Variants in ZNF107 observed in about 807,000 individuals in gnomAD.
ZNF107 encodes the protein zinc finger protein 107, also known as C2H2 type zinc-finger protein.
A neutral mutation model predicts 12.3 loss-of-function variants in ZNF107; 19 were observed. That is an observed-to-expected ratio of 1.55 (90% CI 1.08 to 2.27). The LOEUF is 2.27. ZNF107 is among the 30% of genes most tolerant of loss of function. The probability of loss-of-function intolerance (pLI) is 0.00; values close to 1 mark genes in which losing one functional copy is unlikely to be tolerated. For missense variants in ZNF107, 958 were observed against 979.9 expected (o/e 0.98, Z 0.30); for synonymous variants, 317 against 330.5 (o/e 0.96, Z 0.44).
chr7:64,681,620 C>A (rs1159676011), intron 1 of ZNF107, among the ~76,000 whole-genome samples: 1 of 152,022 alleles, frequency 6.6e-6, no homozygotes, highest in Admixed American at 6.6e-5. Flanking sequence ...CCTTATCATC[C>A]CTTTAAGGCC....
chr7:64,680,447 C>A (rs1401400119), intron 1 of ZNF107, among the ~76,000 whole-genome samples: 1 of 152,154 alleles, frequency 6.6e-6, no homozygotes, highest in Non-Finnish European at 1.5e-5. Flanking sequence ...GCCAGGTCTC[C>A]AGGGAGGTCC....
At chr7:64,681,393 T>G (rs539173399) in intron 1 of ZNF107, among the ~76,000 whole-genome samples, 5 of 151,798 alleles carry the variant, frequency 3.3e-5, no homozygotes, top group Non-Finnish European at 7.4e-5. Flanking sequence ...CTTTTTGCAC[T>G]CCTTTTAGTC....
rs1790828627 is a variant in ZNF107 at position 64,709,913 on chromosome 7, G to A, written c.*1257G>A. The A allele has an allele frequency of 3.0e-6, 1 of 329,072 alleles. No homozygotes were observed. Among genetic ancestry groups the A allele is most frequent in the African/African-American group, 2.3e-5 (1 of 43,830 alleles). The allele number at this position is 329,072 out of a possible 1,614,324, so 20.4% of individuals were successfully genotyped here. ...GCCAAGGTGGGTGGATCACCTGAGG[G>A]CAGGAGTCTGAGACCAGCCTGGCCA... On this transcript the variant is annotated 3_prime_UTR_variant, in exon 4 of 4. Coordinates refer to ENST00000620827, the MANE Select transcript of ZNF107 (RefSeq NM_001282359.2).
chr7:64,666,427 G>T, intron 1 of ZNF107, 142 bp downstream of exon 1: 1 of 1,181,898 alleles, frequency 8.5e-7, no homozygotes, highest in Non-Finnish European at 1.2e-6. Flanking sequence ...GTCCCCCGCG[G>T]CCCCGAGTTC....
intron 1 of ZNF107, among the ~76,000 whole-genome samples, chr7:64,680,370 C>T (rs1789608983): frequency 6.6e-6 from 1 of 152,194 alleles, no homozygotes; most frequent in South Asian, 2.1e-4. Context: ...TCTACACTCA[C>T]TCCTGAAGAA....
intron 1 of ZNF107, among the ~76,000 whole-genome samples, chr7:64,679,555 C>T (rs573923769): frequency 6.1e-4 from 93 of 152,212 alleles, no homozygotes; most frequent in African/African-American, 2.1e-3. Flanking sequence ...TTGCTCTCCT[C>T]CTCGTTTCTC....
At chr7:64,703,398 A>G (rs950393247) in intron 3 of ZNF107, among the ~76,000 whole-genome samples, 2 of 152,104 alleles carry the variant, frequency 1.3e-5, no homozygotes, top group African/African-American at 2.4e-5. Flanking sequence ...AAATTCTCCT[A>G]ATTTCAACAT....
At position 64,708,570 on chromosome 7, in the gene ZNF107, G is replaced by T; in HGVS notation, c.2473G>T (p.Ala825Ser). ...KPYKCGDYGR[A>S]FNLSSNLTTH... ...CTACAAATGTGGAGATTATGGCAGA[G>T]CTTTCAACCTATCCTCAAATCTTAC... Residue 825 changes from alanine to serine, a missense_variant, in exon 4 of 4, where the codon GCT becomes TCT. By Grantham distance (99) the Ala-to-Ser change is moderately conservative. Coordinates refer to ENST00000620827, the MANE Select transcript of ZNF107 (RefSeq NM_001282359.2). 1.2e-6 allele frequency: 2 copies of T among 1,612,390 alleles called. No homozygotes were observed. Among genetic ancestry groups the T allele is most frequent in the Non-Finnish European group, 1.7e-6 (2 of 1,179,230 alleles).
chr7:64,685,429 G>A (rs958560178), intron 1 of ZNF107, among the ~76,000 whole-genome samples: 4 of 152,114 alleles, frequency 2.6e-5, no homozygotes, highest in African/African-American at 7.2e-5. Context: ...CAAACAATCC[G>A]GGTTTTGTAA....
chr7:64,703,235 A>G (rs1341339656), intron 3 of ZNF107, among the ~76,000 whole-genome samples: 1 of 152,190 alleles, frequency 6.6e-6, no homozygotes, highest in African/African-American at 2.4e-5. Flanking sequence ...TGTGGAGCAA[A>G]ATCAACTATG....
Position 64,708,196 on chromosome 7 carries a change from C to T in ZNF107, c.2099C>T (p.Thr700Met), listed in dbSNP as rs375826935. 1.2e-5 allele frequency: 20 copies of T among 1,612,442 alleles called. No individual in the cohort carries two copies. Among genetic ancestry groups the T allele is most frequent in the African/African-American group, 8.0e-5 (6 of 74,880 alleles). ...SNLTIHKRIH[T>M]GEKPYQCAEC... ...CTAACTATACATAAGAGAATTCATA[C>T]GGGAGAGAAACCTTACCAATGTGCA... is the stretch of plus-strand genomic sequence containing the variant. The change falls in exon 4 of 4, where the codon ACG (threonine) becomes ATG (methionine). Residue 700 changes from threonine to methionine, a missense_variant. Physicochemically the swap from Thr to Met is moderately conservative, Grantham distance 81 (BLOSUM62 -1). Transcript: ENST00000620827.
rs187892608 is a variant in ZNF107, at chr7:64,710,219, C to A, written c.*1563C>A. ...AGTACCTTTACTTGTATCACAGATACTTTTGTACCCATTTTGCACTAGAGG... is the reference window on the plus strand; with the variant it reads ...AGTACCTTTACTTGTATCACAGATAATTTTGTACCCATTTTGCACTAGAGG... On this transcript the variant is annotated 3_prime_UTR_variant, in exon 4 of 4. Coordinates refer to ENST00000620827, the MANE Select transcript of ZNF107 (RefSeq NM_001282359.2). The A allele has an allele frequency of 6.6e-6, 1 of 152,416 alleles. No homozygotes were observed. The allele number at this position is 152,416 out of a possible 1,614,324, so 9.4% of individuals were successfully genotyped here. A position where few individuals can be genotyped will look rare whatever the true frequency, so the allele number is the denominator to read the frequency against.
chr7:64,682,019 C>G (rs985590183), intron 1 of ZNF107, among the ~76,000 whole-genome samples: 1 of 152,026 alleles, frequency 6.6e-6, no homozygotes, highest in Non-Finnish European at 1.5e-5. Flanking sequence ...CCATTCTTCC[C>G]AGGGCTTCCG....
At chr7:64,676,239 T>G (rs1458658677) in intron 1 of ZNF107, among the ~76,000 whole-genome samples, 1 of 152,216 alleles carries the variant, frequency 6.6e-6, no homozygotes, top group East Asian at 1.9e-4. Flanking sequence ...GATCTAAGTT[T>G]GTGGTTGGTA....
chr7:64,680,726 G>GA (rs554152952), intron 1 of ZNF107, among the ~76,000 whole-genome samples: 92 of 152,210 alleles, frequency 6.0e-4, no homozygotes, highest in African/African-American at 2.1e-3. Flanking sequence ...CCCGACATTA[G>GA]AAAAAAACTT....
chr7:64,699,585 CA>C (rs1181721678), intron 3 of ZNF107, among the ~76,000 whole-genome samples: 17 of 152,048 alleles, frequency 1.1e-4, no homozygotes, highest in Admixed American at 9.2e-4. Context: ...ATGGGACCAC[CA>C]TGTCTGGATA....
At position 64,707,594 on chromosome 7, in the gene ZNF107, T is replaced by G. The variant is rs774789230; in HGVS notation, c.1497T>G (p.His499Gln). The change falls in exon 4 of 4, where the codon CAT (histidine) becomes CAG (glutamine). Residue 499 changes from histidine (H) to glutamine (Q), a missense_variant. Coordinates refer to ENST00000620827, the MANE Select transcript of ZNF107 (RefSeq NM_001282359.2). Reference protein sequence around the residue: ...AFNRSSTLTRHKKIHTGEKPY... With the variant: ...AFNRSSTLTRQKKIHTGEKPY... The stretch of plus-strand genomic sequence containing the variant: ...ATCGATCCTCAACCCTTACTAGACA[T>G]AAGAAAATTCATACTGGAGAGAAAC... 6.2e-7 allele frequency: 1 copy of G among 1,612,816 alleles called. No homozygotes were observed. The highest frequency in any genetic ancestry group is 8.5e-7 in the Non-Finnish European group (1 of 1,179,568).
rs1790747545 is a variant in ZNF107, at chr7:64,708,179, A to T, written c.2082A>T (p.Ile694=). 1 of 1,612,254 alleles carries T rather than the reference A, an allele frequency of 6.2e-7. No homozygotes were observed. Among genetic ancestry groups the T allele is most frequent in the Non-Finnish European group, 8.5e-7 (1 of 1,179,434 alleles). The change falls in exon 4 of 4, where the codon ATA becomes ATT. Residue 694 remains isoleucine (I), a synonymous_variant. Transcript: ENST00000620827. ...KAYNRFSNLT[I]HKRIHTGEKP... ...ATAACCGATTCTCAAACCTAACTAT[A>T]CATAAGAGAATTCATACGGGAGAGA...
intron 1 of ZNF107, among the ~76,000 whole-genome samples, chr7:64,681,173 C>T (rs908637238): frequency 2.6e-5 from 4 of 152,110 alleles, no homozygotes; most frequent in African/African-American, 4.8e-5. Flanking sequence ...CCGAACACCT[C>T]GGAGGCCCCA....
Sources: gnomAD v4.1 joint callset for allele counts (sites outside exome capture counted in the v4.1 genomes callset) on GRCh38, gnomAD v4.1.1 for gene constraint, MANE v1.5 for transcripts, NCBI Gene and HGNC (gene_info 2026-07-23, HGNC 2026-07-21) for gene names.